Variants in HPS3 observed in about 807,000 individuals in gnomAD.
HPS3 encodes the protein BLOC-2 complex member HPS3.
In HPS3, 79 loss-of-function variants were observed where a neutral mutation model predicts 110.9. The ratio of observed to expected loss-of-function variants is 0.71; its 90% CI spans 0.59 to 0.86. The LOEUF (loss-of-function observed/expected upper bound fraction) is 0.86. Among genes scored for constraint, HPS3 ranks in the 40% least tolerant of loss-of-function variants. The pLI is 0.00. For synonymous variants in HPS3, 428 were observed against 451.0 expected (o/e 0.95, Z 0.65); for missense variants, 1,197 against 1,206.2 (o/e 0.99, Z 0.11).
intron 1 of HPS3, among the ~76,000 whole-genome samples, chr3:149,136,215 TACAC>T (rs973988240): frequency 4.9e-5 from 5 of 101,042 alleles, no homozygotes; most frequent in East Asian, 2.6e-4. Flanking sequence ...CATATATATA[TACAC>T]ACACACACAC....
rs374691328 is a variant in HPS3 at position 149,141,013 on chromosome 3, T to C, written c.713-4T>C. ...GCAGGACTGTTACATTTTATTTTTT[T>C]AAGGCATCAGTAATGAAATTTCACA... On this transcript the variant is annotated splice_region_variant and splice_polypyrimidine_tract_variant and intron_variant, in intron 2 of 16. Transcript: ENST00000296051. 30 of 1,613,486 alleles carry C rather than the reference T, an allele frequency of 1.9e-5. No homozygotes were observed. Among genetic ancestry groups the C allele is most frequent in the Non-Finnish European group, 2.5e-5 (30 of 1,179,548 alleles).
chr3:149,167,891 A>G lies in HPS3; in HGVS notation c.2797-2A>G. 6.4e-7 allele frequency: 1 copy of G among 1,567,428 alleles called. No individual in the cohort carries two copies. Among genetic ancestry groups the G allele is most frequent in the South Asian group, 1.1e-5 (1 of 90,126 alleles). Reference sequence around the variant, plus strand: ...AAATTTATTCATTTTTTCCTAAGATAGACTCTGTGGTGGAAAAAACTGTTG... The same window carrying G: ...AAATTTATTCATTTTTTCCTAAGATGGACTCTGTGGTGGAAAAAACTGTTG... On this transcript the variant is annotated splice_acceptor_variant, in intron 15 of 16. Transcript: ENST00000296051. LOFTEE classifies it high-confidence loss of function.
chr3:149,139,149 A>G (rs1189146859), intron 1 of HPS3, among the ~76,000 whole-genome samples: 1 of 152,208 alleles, frequency 6.6e-6, no homozygotes, highest in Non-Finnish European at 1.5e-5. Flanking sequence ...TTATTGAATA[A>G]ATTATGCGTA....
intron 1 of HPS3, 76 bp from the exon 2 acceptor site, chr3:149,139,928 A>G (rs1722331380): frequency 7.6e-6 from 10 of 1,313,730 alleles, no homozygotes; most frequent in Non-Finnish European, 9.8e-6. Flanking sequence ...GAATTCATTA[A>G]TAGTACTCAT....
intron 2 of HPS3, among the ~76,000 whole-genome samples, 169 bp downstream of exon 2, chr3:149,140,667 C>G (rs1722387442): frequency 6.6e-6 from 1 of 152,116 alleles, no homozygotes; most frequent in Admixed American, 6.5e-5. Context: ...ATAGCTTACT[C>G]TGTAGCATGT....
In HPS3 at chr3:149,162,890, G is replaced by T. The variant is rs200706125; in HGVS notation, c.2481+12G>T. The T allele has an allele frequency of 2.0e-5, 32 of 1,603,952 alleles. No individual in the cohort carries two copies. The highest frequency in any genetic ancestry group is 2.6e-5 in the Non-Finnish European group (30 of 1,171,020). On this transcript the variant is annotated intron_variant, in intron 13 of 16. Transcript: ENST00000296051. ...CATCGGAGGATCTGGTAAGATAATG[G>T]AATAATACCTTAAATTTAACTCATG...
In HPS3 at chr3:149,140,116, G is replaced by A. The variant is rs1391143224; in HGVS notation, c.330G>A (p.Gly110=). Residue 110 remains glycine, a synonymous_variant, in exon 2 of 17, where the codon GGG becomes GGA. Transcript: ENST00000296051. The part of the protein sequence containing the change: ...ENSRVCIRMI[G]HNVEGPFSKA... ...CTCGTGTGTGTATCCGAATGATTGG[G>A]CATAATGTGGAGGGACCATTCAGCA... 1 of 1,613,494 alleles carries A rather than the reference G, an allele frequency of 6.2e-7. No homozygotes were observed. Among genetic ancestry groups the A allele is most frequent in the South Asian group, 1.1e-5 (1 of 90,988 alleles).
chr3:149,166,979 G>A, intron 14 of HPS3, 55 bp from the exon 15 acceptor site: 2 of 1,314,578 alleles, frequency 1.5e-6, no homozygotes, highest in Non-Finnish European at 2.2e-6. Context: ...TCTGCATGTT[G>A]TGTTTTAGTT....
chr3:149,168,070 C>A (rs1576709302), intron 16 of HPS3, 87 bp downstream of exon 16: 3 of 804,214 alleles, frequency 3.7e-6, no homozygotes, highest in East Asian at 5.2e-5. Context: ...TCATGTGATT[C>A]TCAAGTGAAA....
intron 16 of HPS3, among the ~76,000 whole-genome samples, chr3:149,170,803 A>G (rs890478149): frequency 3.9e-5 from 6 of 152,210 alleles, no homozygotes; most frequent in African/African-American, 1.4e-4. Context: ...GCATGCAACG[A>G]TCACACAGGG....
rs778009938 is a variant in HPS3, at chr3:149,162,829, C to G, written c.2432C>G (p.Ser811Cys). 1 of 1,613,988 alleles carries G rather than the reference C, an allele frequency of 6.2e-7. No homozygotes were observed. Among genetic ancestry groups the G allele is most frequent in the Admixed American group, 1.7e-5 (1 of 59,992 alleles). ...KLTSQYIWRL[S>C]KRQPPDTTPL... ...ACATCACAGTACATCTGGAGATTGT[C>G]TAAGAGGCAGCCTCCTGACACCACA... The change falls in exon 13 of 17, where the codon TCT becomes TGT. Residue 811 changes from serine (S) to cysteine (C), a missense_variant. Coordinates refer to ENST00000296051, the MANE Select transcript of HPS3 (RefSeq NM_032383.5).
intron 4 of HPS3, among the ~76,000 whole-genome samples, chr3:149,143,505 GC>G (rs1722609657): frequency 6.6e-6 from 1 of 152,174 alleles, no homozygotes; most frequent in Non-Finnish European, 1.5e-5. Context: ...CTCTGTGAAA[GC>G]AGTTACGTTG....
intron 1 of HPS3, among the ~76,000 whole-genome samples, chr3:149,139,497 T>C (rs948485724): frequency 6.6e-6 from 1 of 152,238 alleles, no homozygotes; most frequent in African/African-American, 2.4e-5. Context: ...TTAAAACTTA[T>C]ACAATCAACA....
At chr3:149,143,837 T>C (rs1722630005) in intron 4 of HPS3, among the ~76,000 whole-genome samples, 1 of 152,130 alleles carries the variant, frequency 6.6e-6, no homozygotes, top group South Asian at 2.1e-4. Flanking sequence ...TATTAATTGG[T>C]GTCCTTCAAG....
intron 8 of HPS3, 140 bp downstream of exon 8, chr3:149,155,355 C>A (rs570878921): frequency 6.1e-6 from 4 of 651,562 alleles, no homozygotes; most frequent in East Asian, 2.8e-5. Flanking sequence ...GAATGTATAT[C>A]TCTCTCTGCC....
Position 149,167,051 on chromosome 3 carries a change from T to C in HPS3, c.2607T>C (p.Pro869=), listed in dbSNP as rs1724496365. Residue 869 remains proline, a synonymous_variant, in exon 15 of 17, where the codon CCT becomes CCC. Transcript: ENST00000296051. ...LSKLQSLICG[P]SFDIASIIPF... is the part of the protein sequence containing the mutation. ...GTTCATAGTCTCTTATATGTGGTCC[T>C]TCATTTGACATAGCTTCCATTATTC... 6.2e-7 allele frequency: 1 copy of C among 1,613,264 alleles called. No homozygotes were observed.
chr3:149,158,181 A>G (rs940092763), intron 9 of HPS3, among the ~76,000 whole-genome samples: 16 of 152,198 alleles, frequency 1.1e-4, no homozygotes, highest in Non-Finnish European at 2.4e-4. Flanking sequence ...AATGTTTACA[A>G]ATTTTTTTGC....
rs1373832632 is a variant in HPS3 at position 149,140,065 on chromosome 3, C to G, written c.279C>G (p.Asn93Lys). 1 of 1,612,474 alleles carries G rather than the reference C, an allele frequency of 6.2e-7. No homozygotes were observed. Among genetic ancestry groups the G allele is most frequent in the Non-Finnish European group, 8.5e-7 (1 of 1,179,320 alleles). Reference protein sequence around the residue: ...NKATFLRAYVNWRNKRTENSR... With the variant: ...NKATFLRAYVKWRNKRTENSR... ...CTACATTTCTACGTGCTTATGTGAA[C>G]TGGAGAAATAAAAGGACTGAAAACT... The change falls in exon 2 of 17, where the codon AAC becomes AAG. Residue 93 changes from asparagine (N) to lysine (K), a missense_variant. Asn to Lys is a moderately conservative substitution (Grantham distance 94, BLOSUM62 0). Coordinates refer to ENST00000296051, the MANE Select transcript of HPS3 (RefSeq NM_032383.5).
At position 149,167,917 on chromosome 3, in the gene HPS3, C is replaced by G. The variant is rs1386112864; in HGVS notation, c.2821C>G (p.Pro941Ala). ...GACTCTGTGGTGGAAAAAACTGTTG[C>G]CTGAACTTTGTCAGAGAATAAAATG... is the stretch of plus-strand genomic sequence containing the variant. ...NRTLWWKKLL[P>A]ELCQRIKCGG... Residue 941 changes from proline (P) to alanine (A), a missense_variant, in exon 16 of 17, where the codon CCT becomes GCT. Coordinates refer to ENST00000296051, the MANE Select transcript of HPS3 (RefSeq NM_032383.5). 6.2e-7 allele frequency: 1 copy of G among 1,606,040 alleles called. No homozygotes were observed.
Sources: gnomAD v4.1 joint callset for allele counts (sites outside exome capture counted in the v4.1 genomes callset) on GRCh38, gnomAD v4.1.1 for gene constraint, MANE v1.5 for transcripts, NCBI Gene and HGNC (gene_info 2026-07-23, HGNC 2026-07-21) for gene names.